SMARCC1: variants seen among roughly 807,000 people sequenced by gnomAD.
SMARCC1 encodes SWI/SNF related BAF chromatin remodeling complex subunit C1.
A neutral mutation model predicts 147.4 loss-of-function variants in SMARCC1; 43 were observed. The observed-to-expected ratio is 0.29, with a 90% CI of 0.23 to 0.38. SMARCC1 has a LOEUF of 0.38. SMARCC1 is among the 10% of genes least tolerant of loss of function. SMARCC1 has a pLI of 1.00. For synonymous variants in SMARCC1, 495 were observed against 484.4 expected (o/e 1.02, Z -0.29); for missense variants, 1,119 against 1,381.1 (o/e 0.81, Z 3.01).
At chr3:47,635,459 C>T (rs2032956664) in intron 23 of SMARCC1, 115 bp from the exon 24 acceptor site, 13 of 884,356 alleles carry the variant, frequency 1.5e-5, no homozygotes, top group Middle Eastern at 3.3e-4. Flanking sequence ...ATGTCAATGC[C>T]TTTTTCTTCT....
At chr3:47,727,232 G>A (rs1028342928) in intron 6 of SMARCC1, among the ~76,000 whole-genome samples, 2 of 151,464 alleles carry the variant, frequency 1.3e-5, no homozygotes, top group African/African-American at 4.9e-5. Flanking sequence ...AAACTGGCCG[G>A]GCACGGTGGC....
At chr3:47,740,259 G>A (rs868226901) in intron 3 of SMARCC1, among the ~76,000 whole-genome samples, 4 of 132,698 alleles carry the variant, frequency 3.0e-5, no homozygotes, top group Admixed American at 8.5e-5. Context: ...GCAATGGGGC[G>A]ATCTCAGCTT....
intron 25 of SMARCC1, among the ~76,000 whole-genome samples, chr3:47,620,484 T>C (rs1368816052): frequency 6.6e-6 from 1 of 151,880 alleles, no homozygotes; most frequent in Non-Finnish European, 1.5e-5. Context: ...AAAAAAAATT[T>C]GTTTTTGTTT....
chr3:47,596,067 A>AAAAACAAAAAC (rs1553671602), intron 26 of SMARCC1, among the ~76,000 whole-genome samples: 3 of 150,208 alleles, frequency 2.0e-5, no homozygotes, highest in South Asian at 2.1e-4. Flanking sequence ...AAACAAAAAC[A>AAAAACAAAAAC]AAAACAAAAC....
chr3:47,608,984 G>A (rs1047833091), intron 26 of SMARCC1, among the ~76,000 whole-genome samples: 2 of 151,818 alleles, frequency 1.3e-5, no homozygotes, highest in African/African-American at 4.8e-5. Context: ...GTACAATCAG[G>A]CACAGCCACA....
chr3:47,605,737 C>T (rs920130565), intron 26 of SMARCC1, among the ~76,000 whole-genome samples: 2 of 152,170 alleles, frequency 1.3e-5, no homozygotes, highest in African/African-American at 4.8e-5. Flanking sequence ...AATGTCACTG[C>T]ACTCTAGCCT....
chr3:47,606,346 T>A (rs140063497), intron 26 of SMARCC1, among the ~76,000 whole-genome samples: 143 of 152,334 alleles, frequency 9.4e-4, no homozygotes, highest in African/African-American at 3.3e-3. Flanking sequence ...CACTTTGGAA[T>A]CAGATGGAGC....
chr3:47,652,955 T>TTA (rs2033209834), intron 21 of SMARCC1, among the ~76,000 whole-genome samples: 1 of 149,016 alleles, frequency 6.7e-6, no homozygotes, highest in African/African-American at 2.5e-5. Context: ...CTTTCTTTTT[T>TTA]TTTTTTTTTT....
chr3:47,737,286 G>A (rs1463674371), intron 4 of SMARCC1, among the ~76,000 whole-genome samples: 1 of 152,094 alleles, frequency 6.6e-6, no homozygotes, highest in Non-Finnish European at 1.5e-5. Context: ...CCCAGCTACA[G>A]GGAAAGCTGA....
At position 47,699,624 on chromosome 3, in the gene SMARCC1, ATAGG is replaced by A. The variant is rs768380084; in HGVS notation, c.1165+1650_1165+1653del. On this transcript the variant is annotated intron_variant, in intron 11 of 27. Coordinates refer to ENST00000254480, the MANE Select transcript of SMARCC1 (RefSeq NM_003074.4). ...TGTATATTGCTCTATATGTCTATACATAGGTATATACATATGTATATTGCCCTAC... is the reference window on the plus strand; with the variant it reads ...TGTATATTGCTCTATATGTCTATACATATATACATATGTATATTGCCCTAC... Among the ~76,000 whole-genome samples, 9 of 152,188 alleles carry A rather than the reference ATAGG, an allele frequency of 5.9e-5. No individual in the cohort carries two copies. The East Asian group carries it at 1.2e-3, about 20-fold the overall frequency.
chr3:47,772,105 G>A (rs1195434013), intron 2 of SMARCC1, among the ~76,000 whole-genome samples: 1 of 151,066 alleles, frequency 6.6e-6, no homozygotes, highest in Non-Finnish European at 1.5e-5. Context: ...AGATAGCAGA[G>A]AAGGGCTGGT....
rs1177827824 is a variant in SMARCC1 at position 47,648,103 on chromosome 3, T to G, written c.2321-9323A>C. On this transcript the variant is annotated intron_variant, in intron 21 of 27. Coordinates refer to ENST00000254480, the MANE Select transcript of SMARCC1 (RefSeq NM_003074.4). ...TTTGCCTCCTGGGTTCAAGTGATTC[T>G]TATGCCTCAGCCTCCCAAACAGCTG... Among the ~76,000 whole-genome samples the G allele has an allele frequency of 2.6e-5, 4 of 152,132 alleles. No individual in the cohort carries two copies. The East Asian group carries it at 7.7e-4, about 29-fold the overall frequency.
At chr3:47,615,753 G>T (rs192891674) in intron 25 of SMARCC1, among the ~76,000 whole-genome samples, 1 of 151,896 alleles carries the variant, frequency 6.6e-6, no homozygotes, top group Non-Finnish European at 1.5e-5. Context: ...GCGCCATCAC[G>T]GCTCACTGCA....
intron 9 of SMARCC1, among the ~76,000 whole-genome samples, chr3:47,710,055 GCCTGTAATC>G (rs1469545020): frequency 1.3e-5 from 2 of 152,150 alleles, no homozygotes; most frequent in Non-Finnish European, 2.9e-5. Context: ...GGTGGCTCAT[GCCTGTAATC>G]CCAGCACTTT....
intron 27 of SMARCC1, among the ~76,000 whole-genome samples, 155 bp downstream of exon 27, chr3:47,590,506 C>G (rs556293325): frequency 6.6e-6 from 1 of 152,190 alleles, no homozygotes; most frequent in Admixed American, 6.5e-5. Flanking sequence ...TGCTGAAGAA[C>G]ACAGACTGAA....
chr3:47,715,446 C>T lies in SMARCC1; in HGVS notation c.717-956G>A, dbSNP rs560089169. Among the ~76,000 whole-genome samples, 3 of 152,266 alleles carry T rather than the reference C, an allele frequency of 2.0e-5. No homozygotes were observed. In the South Asian group the frequency reaches 6.2e-4, roughly 32 times the overall value. On this transcript the variant is annotated intron_variant, in intron 7 of 27. Transcript: ENST00000254480. ...CCTTGATTCCATTCTCAAGCACATC[C>T]TGTAATCAAACCAACTGCAAATGTG...
At chr3:47,712,263 A>C (rs765738931) in intron 8 of SMARCC1, among the ~76,000 whole-genome samples, 3 of 152,178 alleles carry the variant, frequency 2.0e-5, no homozygotes, top group Non-Finnish European at 4.4e-5. Flanking sequence ...TAACTAAATA[A>C]ATAAATAGAG....
chr3:47,628,643 G>A (rs1240697110), intron 24 of SMARCC1, among the ~76,000 whole-genome samples: 1 of 152,104 alleles, frequency 6.6e-6, no homozygotes, highest in Non-Finnish European at 1.5e-5. Context: ...CATGATCTCA[G>A]CTCACTGAAA....
At chr3:47,708,083 CTTTTTTTTTTTTTTTTTTTTT>C (rs915291740) in intron 9 of SMARCC1, among the ~76,000 whole-genome samples, 6 of 64,278 alleles carry the variant, frequency 9.3e-5, no homozygotes, top group African/African-American at 3.3e-4. Context: ...AATTTTTTTT[CTTTTTTTTTTTTTTTTTTTTT>C]TTTTTTTTTT....
Sources: allele counts gnomAD v4.1 joint callset (sites outside exome capture counted in the v4.1 genomes callset), GRCh38; gene constraint gnomAD v4.1.1; transcripts MANE v1.5; gene names NCBI Gene and HGNC (gene_info 2026-07-23, HGNC 2026-07-21).